The following SPAG16 variants were observed in gnomAD, a reference collection of about 807,000 sequenced individuals.
The protein encoded by SPAG16 is sperm-associated antigen 16 protein.
Under a neutral mutation model 80.4 loss-of-function variants are expected in SPAG16, and 86 were observed. That is an observed-to-expected ratio of 1.07 (90% CI 0.90 to 1.28). The LOEUF (loss-of-function observed/expected upper bound fraction) is 1.28, where lower values mean the gene tolerates loss of function less well. Ranked by LOEUF, SPAG16 falls within the 50% of genes most tolerant of loss-of-function variation. The pLI, the probability that SPAG16 is intolerant of heterozygous loss-of-function variation, is 0.00. For missense variants in SPAG16, 870 were observed against 765.3 expected (o/e 1.14, Z -1.61); for synonymous variants, 294 against 265.9 (o/e 1.11, Z -1.03).
At position 214,037,297 on chromosome 2, in the gene SPAG16, C is replaced by T. The variant is rs115419770; in HGVS notation, c.1527+23220C>T. Among the ~76,000 whole-genome samples, 1,019 of 151,776 alleles carry T rather than the reference C, an allele frequency of 6.7e-3. 17 individuals carry two copies. Among genetic ancestry groups the T allele is most frequent in the African/African-American group, 0.023 (956 of 41,452 alleles). ...ATTTGTTTTGTATTTTCATATTCAC[C>T]CAACTTGTTTAATAAAAGTTATTTT... On this transcript the variant is annotated intron_variant, in intron 13 of 15. Coordinates refer to ENST00000331683, the MANE Select transcript of SPAG16 (RefSeq NM_024532.5).
At chr2:214,289,474 G>A (rs185142673) in intron 15 of SPAG16, among the ~76,000 whole-genome samples, 65 of 152,184 alleles carry the variant, frequency 4.3e-4, no homozygotes, top group African/African-American at 1.5e-3. Context: ...TCCCAGAACC[G>A]TTTATTGAAG....
At chr2:213,556,785 A>G (rs1435861978) in intron 10 of SPAG16, among the ~76,000 whole-genome samples, 4 of 152,180 alleles carry the variant, frequency 2.6e-5, no homozygotes, top group Non-Finnish European at 2.9e-5. Flanking sequence ...CAACAGCAGA[A>G]CAATACATTT....
At chr2:214,183,046 A>T (rs1412366820) in intron 15 of SPAG16, among the ~76,000 whole-genome samples, 1 of 151,966 alleles carries the variant, frequency 6.6e-6, no homozygotes, top group Non-Finnish European at 1.5e-5. Context: ...TTATTTTCCT[A>T]ATACAGTAAA....
chr2:213,944,330 G>T (rs1385448885), intron 12 of SPAG16, among the ~76,000 whole-genome samples: 1 of 152,210 alleles, frequency 6.6e-6, no homozygotes, highest in Non-Finnish European at 1.5e-5. Flanking sequence ...GAGGATTATT[G>T]CTTAGGTGTA....
chr2:213,791,140 T>A (rs568033268), intron 10 of SPAG16, among the ~76,000 whole-genome samples: 19 of 152,220 alleles, frequency 1.2e-4, no homozygotes, highest in African/African-American at 4.3e-4. Context: ...CAAGCCTTCA[T>A]TTTGATTGCC....
chr2:213,880,368 G>T (rs1411996696), intron 11 of SPAG16, among the ~76,000 whole-genome samples: 1 of 152,114 alleles, frequency 6.6e-6, no homozygotes, highest in African/African-American at 2.4e-5. Flanking sequence ...TGTAGATTCT[G>T]TATATTAAAC....
intron 10 of SPAG16, among the ~76,000 whole-genome samples, chr2:213,720,455 A>C (rs1218152166): frequency 7.9e-6 from 1 of 126,824 alleles, no homozygotes; most frequent in Non-Finnish European, 1.7e-5. Flanking sequence ...GTGAAACCCC[A>C]TCTCTACTAA....
At chr2:213,655,697 C>A (rs570377089) in intron 10 of SPAG16, among the ~76,000 whole-genome samples, 25 of 152,228 alleles carry the variant, frequency 1.6e-4, no homozygotes, top group African/African-American at 6.0e-4. Flanking sequence ...CAAATCTGTC[C>A]TTGAATAAAT....
At chr2:213,594,954 T>C (rs530720788) in intron 10 of SPAG16, among the ~76,000 whole-genome samples, 100 of 152,250 alleles carry the variant, frequency 6.6e-4, no homozygotes, top group Admixed American at 1.8e-3. Context: ...TGTCTGTCTG[T>C]CTGCCTGCCT....
At chr2:213,632,686 T>C (rs1436737535) in intron 10 of SPAG16, among the ~76,000 whole-genome samples, 1 of 152,132 alleles carries the variant, frequency 6.6e-6, no homozygotes. Flanking sequence ...TGAAGGAATG[T>C]TGAATTTTAT....
chr2:213,500,568 G>T (rs1190200258), intron 10 of SPAG16, among the ~76,000 whole-genome samples: 2 of 152,116 alleles, frequency 1.3e-5, no homozygotes, highest in Non-Finnish European at 2.9e-5. Context: ...GAATTAAATG[G>T]TAAGTGAGAG....
chr2:214,184,934 TA>T (rs2057421046), intron 15 of SPAG16, among the ~76,000 whole-genome samples: 1 of 152,110 alleles, frequency 6.6e-6, no homozygotes, highest in Non-Finnish European at 1.5e-5. Context: ...ATTTTGTCTT[TA>T]AAAATTTTTT....
At chr2:214,217,258 G>A (rs1194374183) in intron 15 of SPAG16, among the ~76,000 whole-genome samples, 1 of 152,194 alleles carries the variant, frequency 6.6e-6, no homozygotes, top group African/African-American at 2.4e-5. Flanking sequence ...CAATTGCTCT[G>A]CATACATTAG....
At chr2:213,897,553 C>T (rs1350891298) in intron 11 of SPAG16, among the ~76,000 whole-genome samples, 1 of 152,046 alleles carries the variant, frequency 6.6e-6, no homozygotes, top group Admixed American at 6.6e-5. Flanking sequence ...ATATGCATTT[C>T]CTTATGGTTT....
At chr2:214,080,131 CACAT>C (rs2051297839) in intron 13 of SPAG16, among the ~76,000 whole-genome samples, 1 of 152,052 alleles carries the variant, frequency 6.6e-6, no homozygotes, top group South Asian at 2.1e-4. Flanking sequence ...TAATAAATGA[CACAT>C]ACAGGGCAGC....
chr2:213,452,178 G>A (rs1029437158), intron 9 of SPAG16, among the ~76,000 whole-genome samples: 2 of 152,130 alleles, frequency 1.3e-5, no homozygotes, highest in Non-Finnish European at 2.9e-5. Flanking sequence ...GAAGAGAGGT[G>A]ATTTCTTTGA....
intron 12 of SPAG16, among the ~76,000 whole-genome samples, chr2:213,991,902 A>C (rs931003335): frequency 2.7e-5 from 3 of 111,262 alleles, no homozygotes; most frequent in East Asian, 5.3e-4. Flanking sequence ...TTCTTGTTTC[A>C]GTGATTCACG....
chr2:214,139,527 A>G (rs2055240384), intron 14 of SPAG16, among the ~76,000 whole-genome samples: 1 of 152,050 alleles, frequency 6.6e-6, no homozygotes, highest in Non-Finnish European at 1.5e-5. Flanking sequence ...TTCTGTAGAA[A>G]AGAGCGTCTT....
chr2:213,424,688 G>T (rs1244090261), intron 9 of SPAG16, among the ~76,000 whole-genome samples: 3 of 152,130 alleles, frequency 2.0e-5, no homozygotes, highest in African/African-American at 7.2e-5. Context: ...TCTGGCTGTT[G>T]TTCTGTTTCA....
Sources: allele counts gnomAD v4.1 joint callset (sites outside exome capture counted in the v4.1 genomes callset), GRCh38; gene constraint gnomAD v4.1.1; transcripts MANE v1.5; gene names NCBI Gene and HGNC (gene_info 2026-07-23, HGNC 2026-07-21).